The following NRG2 variants were observed in gnomAD, a reference collection of about 807,000 sequenced individuals.
NRG2 encodes pro-neuregulin-2, membrane-bound isoform.
In NRG2, 27 loss-of-function variants were observed where a neutral mutation model predicts 73.9. That is an observed-to-expected ratio of 0.37 (90% CI 0.27 to 0.50). The LOEUF (loss-of-function observed/expected upper bound fraction) is 0.50. NRG2 is among the 20% of genes least tolerant of loss of function. The pLI, the probability that NRG2 is intolerant of heterozygous loss-of-function variation, is 0.96. For synonymous variants in NRG2, 532 were observed against 541.0 expected (o/e 0.98, Z 0.23); for missense variants, 1,126 against 1,210.1 (o/e 0.93, Z 1.03).
In NRG2 at chr5:139,931,983, A is replaced by G. The variant is rs533799098; in HGVS notation, c.701-44472T>C. Among the ~76,000 whole-genome samples, 9 of 152,342 alleles carry G rather than the reference A, an allele frequency of 5.9e-5. 1 individual carries two copies. The South Asian group carries it at 1.7e-3, about 28-fold the overall frequency. ...ATGAAGGGAACCATTGTACAAAGCTAGTGGAAATGTAGATTGGTACGGCCA... is the reference window on the plus strand; with the variant it reads ...ATGAAGGGAACCATTGTACAAAGCTGGTGGAAATGTAGATTGGTACGGCCA... On this transcript the variant is annotated intron_variant, in intron 1 of 9. Coordinates refer to ENST00000361474, the MANE Select transcript of NRG2 (RefSeq NM_004883.3).
intron 1 of NRG2, among the ~76,000 whole-genome samples, chr5:140,018,064 T>C (rs1759936431): frequency 1.3e-5 from 2 of 151,656 alleles, no homozygotes; most frequent in African/African-American, 4.9e-5. Flanking sequence ...CTTCCAATTT[T>C]CCCAAGAAAA....
chr5:139,900,639 C>T (rs1326698149), intron 1 of NRG2, among the ~76,000 whole-genome samples: 4 of 152,244 alleles, frequency 2.6e-5, no homozygotes, highest in Non-Finnish European at 5.9e-5. Context: ...GTAACAGTCC[C>T]TCAGGCCAGC....
rs1388848816 is a variant in NRG2, at chr5:139,847,971, G to A, written c.2499C>T (p.Ser833=). Residue 833 remains serine, a synonymous_variant, in exon 10 of 10, where the codon AGC becomes AGT. Coordinates refer to ENST00000361474, the MANE Select transcript of NRG2 (RefSeq NM_004883.3). ...GCGGGGGCGGCCCGCGGCTGTGTCTGCTGCTGGCCCGCGTGCTGTGGCTGT... is the reference window on the plus strand; with the variant it reads ...GCGGGGGCGGCCCGCGGCTGTGTCTACTGCTGGCCCGCGTGCTGTGGCTGT... ...SLDSHSTRAS[S]RHSRGPPPRA... 1.3e-6 allele frequency: 2 copies of A among 1,512,280 alleles called. No homozygotes were observed. The highest frequency in any genetic ancestry group is 1.4e-5 in the African/African-American group (1 of 69,122). 93.7% of individuals were successfully genotyped at this position (1,512,280 alleles called of 1,614,324 possible).
Position 139,904,043 on chromosome 5 carries a change from G to A in NRG2, c.701-16532C>T, listed in dbSNP as rs1182306855. Among the ~76,000 whole-genome samples the A allele has an allele frequency of 1.3e-5, 2 of 152,186 alleles. No homozygotes were observed. The highest frequency in any genetic ancestry group is 2.9e-5 in the Non-Finnish European group (2 of 68,022). ...CTCGCCTGCAGGCCGGTACCGGCGT[G>A]CAGCGCCTCTTGCCCGCCCCTGCGT... On this transcript the variant is annotated intron_variant, in intron 1 of 9. Transcript: ENST00000361474. This position sits in a 1 kb window ranked among gnomAD's most constrained non-coding sequence, Gnocchi z 6.0.
rs114578583 is a variant in NRG2, at chr5:139,858,235, G to A, written c.1190-2457C>T. 8.3e-3 allele frequency among the ~76,000 whole-genome samples: 1,256 copies of A among 152,240 alleles called. 9 individuals carry two copies. Among genetic ancestry groups the A allele is most frequent in the Non-Finnish European group, 0.013 (885 of 68,006 alleles). ...TCACTGTGCTTCAGAGATGCTGGAA[G>A]TCTCTCCATCCACTGAATAAGGCAA... is the stretch of plus-strand genomic sequence containing the variant. On this transcript the variant is annotated intron_variant, in intron 5 of 9. Coordinates refer to ENST00000361474, the MANE Select transcript of NRG2 (RefSeq NM_004883.3).
chr5:139,958,326 A>C (rs1754792402), intron 1 of NRG2, among the ~76,000 whole-genome samples: 1 of 152,114 alleles, frequency 6.6e-6, no homozygotes, highest in Admixed American at 6.5e-5. Flanking sequence ...AGGGCCAGCA[A>C]ACAGGAAAAA....
At position 139,851,839 on chromosome 5, in the gene NRG2, G is replaced by T. The variant is rs368362499; in HGVS notation, c.1545-8C>A. ...CACGTGTGGCTCTCGTGTCTGGGAA[G>T]GCCAGATGGGGTGAGACGAGGGGTC... On this transcript the variant is annotated splice_polypyrimidine_tract_variant and splice_region_variant and intron_variant, in intron 8 of 9. Transcript: ENST00000361474. The surrounding 1 kb of genome is among the most constrained non-coding windows in gnomAD (Gnocchi z 4.2). 1 of 1,613,436 alleles carries T rather than the reference G, an allele frequency of 6.2e-7. No homozygotes were observed. The highest frequency in any genetic ancestry group is 8.5e-7 in the Non-Finnish European group (1 of 1,179,618).
chr5:139,853,108 A>G lies in NRG2; in HGVS notation c.1293-81T>C. The G allele has an allele frequency of 6.3e-7, 1 of 1,577,502 alleles. No individual in the cohort carries two copies. The highest frequency in any genetic ancestry group is 8.6e-7 in the Non-Finnish European group (1 of 1,160,982). ...CTTCCCTAGCTATCTCTCTAGGGAA[A>G]CAGCTTTTCCTCCTGCCCAGGGTGG... On this transcript the variant is annotated intron_variant, in intron 6 of 9. Transcript: ENST00000361474. This position sits in a 1 kb window ranked among gnomAD's most constrained non-coding sequence, Gnocchi z 4.1.
rs1337904632 is a variant in NRG2 at position 139,954,672 on chromosome 5, C to T, written c.701-67161G>A. Among the ~76,000 whole-genome samples, 1 of 152,244 alleles carries T rather than the reference C, an allele frequency of 6.6e-6. No homozygotes were observed. The highest frequency in any genetic ancestry group is 1.5e-5 in the Non-Finnish European group (1 of 68,044). On this transcript the variant is annotated intron_variant, in intron 1 of 9. Coordinates refer to ENST00000361474, the MANE Select transcript of NRG2 (RefSeq NM_004883.3). The surrounding 1 kb of genome is among the most constrained non-coding windows in gnomAD (Gnocchi z 5.0). ...GCGACTCTCCGCAGAGGCCCCTGCG[C>T]GTATCCCGCCAAGTTCCTCTCTCTT...
At chr5:139,905,519 G>A (rs1765170119) in intron 1 of NRG2, among the ~76,000 whole-genome samples, 1 of 152,230 alleles carries the variant, frequency 6.6e-6, no homozygotes, top group South Asian at 2.1e-4. Flanking sequence ...TTAGGACTCT[G>A]GGTCAAGGCC....
At chr5:139,908,202 TG>T (rs981710962) in intron 1 of NRG2, among the ~76,000 whole-genome samples, 1 of 152,244 alleles carries the variant, frequency 6.6e-6, no homozygotes, top group African/African-American at 2.4e-5. Flanking sequence ...CTGAGGCTTT[TG>T]GGCCTTATTT....
rs1338655973 is a variant in NRG2, at chr5:139,865,146, C to G, written c.1189+403G>C. 6.2e-7 allele frequency: 1 copy of G among 1,613,832 alleles called. No individual in the cohort carries two copies. Among genetic ancestry groups the G allele is most frequent in the Non-Finnish European group, 8.5e-7 (1 of 1,179,876 alleles). ...AGTTGACCATTGCGAACTGCTGACA[C>G]CTGTCCCCGGTGTATCCCACAGGAC... On this transcript the variant is annotated intron_variant, in intron 5 of 9. Coordinates refer to ENST00000361474, the MANE Select transcript of NRG2 (RefSeq NM_004883.3). The surrounding 1 kb of genome is among the most constrained non-coding windows in gnomAD (Gnocchi z 5.2).
At chr5:139,919,552 A>G (rs1233212137) in intron 1 of NRG2, among the ~76,000 whole-genome samples, 1 of 152,112 alleles carries the variant, frequency 6.6e-6, no homozygotes, top group African/African-American at 2.4e-5. Context: ...TCAATTGAAC[A>G]GGGTTCTCTG....
At chr5:139,979,434 T>C (rs890265975) in intron 1 of NRG2, among the ~76,000 whole-genome samples, 2 of 152,186 alleles carry the variant, frequency 1.3e-5, no homozygotes, top group African/African-American at 2.4e-5. Flanking sequence ...ATGAGAGACG[T>C]GGTCGGCAGC....
At chr5:139,895,753 C>A (rs1764507796) in intron 1 of NRG2, among the ~76,000 whole-genome samples, 1 of 152,238 alleles carries the variant, frequency 6.6e-6, no homozygotes, top group Admixed American at 6.5e-5. Context: ...CCACTATCAT[C>A]TCTTCAGCTG....
At chr5:139,930,454 A>G (rs1276103895) in intron 1 of NRG2, among the ~76,000 whole-genome samples, 1 of 152,190 alleles carries the variant, frequency 6.6e-6, no homozygotes, top group Non-Finnish European at 1.5e-5. Context: ...AGGATTCAAC[A>G]AAGAGGACCA....
At chr5:139,949,988 A>G (rs1225771224) in intron 1 of NRG2, among the ~76,000 whole-genome samples, 5 of 152,206 alleles carry the variant, frequency 3.3e-5, no homozygotes, top group Non-Finnish European at 5.9e-5. Context: ...GGCTGCTGGG[A>G]ATGGCATGTG....
chr5:140,021,283 A>G (rs991090281), intron 1 of NRG2, among the ~76,000 whole-genome samples: 10 of 152,232 alleles, frequency 6.6e-5, no homozygotes, highest in African/African-American at 2.2e-4. Context: ...TTAAACTGAC[A>G]TCTCTGTCTC....
chr5:139,928,693 T>G (rs1752244530), intron 1 of NRG2, among the ~76,000 whole-genome samples: 1 of 152,196 alleles, frequency 6.6e-6, no homozygotes, highest in African/African-American at 2.4e-5. Flanking sequence ...AGCTGGAAAC[T>G]TGCCCCTGGA....
Sources: gnomAD v4.1 joint callset for allele counts (sites outside exome capture counted in the v4.1 genomes callset) on GRCh38, gnomAD v4.1.1 for gene constraint, Gnocchi (gnomAD v3.1) non-coding constraint, MANE v1.5 for transcripts, NCBI Gene and HGNC (gene_info 2026-07-23, HGNC 2026-07-21) for gene names.